ATP10A: variants seen among roughly 807,000 people sequenced by gnomAD.
The protein encoded by ATP10A is phospholipid-transporting ATPase VA.
In ATP10A, 111 loss-of-function variants were observed where a neutral mutation model predicts 147.8. The ratio of observed to expected loss-of-function variants is 0.75; its 90% CI spans 0.64 to 0.88. The LOEUF is 0.88. Among genes scored for constraint, ATP10A ranks in the 40% least tolerant of loss-of-function variants. ATP10A has a pLI of 0.00. For synonymous variants in ATP10A, 875 were observed against 841.6 expected (o/e 1.04, Z -0.69); for missense variants, 1,927 against 1,959.0 (o/e 0.98, Z 0.31).
chr15:25,823,574 C>G (rs534864349), intron 1 of ATP10A, among the ~76,000 whole-genome samples: 1 of 152,260 alleles, frequency 6.6e-6, no homozygotes, highest in South Asian at 2.1e-4. Flanking sequence ...AGTGACTGGA[C>G]CAAATTGTTT....
chr15:25,690,675 C>A (rs1310460585), intron 15 of ATP10A, among the ~76,000 whole-genome samples: 1 of 152,084 alleles, frequency 6.6e-6, no homozygotes, highest in Admixed American at 6.5e-5. Context: ...CAGTTCAGAC[C>A]CGTGTTGTTC....
chr15:25,728,916 G>A (rs1320685487), intron 3 of ATP10A, among the ~76,000 whole-genome samples: 1 of 152,138 alleles, frequency 6.6e-6, no homozygotes, highest in African/African-American at 2.4e-5. Context: ...AGGGGAGGCT[G>A]GAGAACGACA....
At position 25,713,829 on chromosome 15, in the gene ATP10A, C is replaced by T; in HGVS notation, c.2189G>A (p.Gly730Asp). The part of the protein sequence containing the change: ...DQVSVELPHL[G>D]RLTFELLHTL... ...GTGCAGGAGCTCGAAGGTGAGCCTG[C>T]CCAGGTGGGGCAGCTCCACTGACAC... Residue 730 changes from glycine (G) to aspartate (D), a missense_variant, in exon 10 of 21, where the codon GGC becomes GAC. By Grantham distance (94) the Gly-to-Asp change is moderately conservative (BLOSUM62 -1). Coordinates refer to ENST00000555815, the MANE Select transcript of ATP10A (RefSeq NM_024490.4). 3.1e-6 allele frequency: 5 copies of T among 1,614,060 alleles called. No individual in the cohort carries two copies. The highest frequency in any genetic ancestry group is 4.2e-6 in the Non-Finnish European group (5 of 1,180,042).
chr15:25,837,144 A>G (rs1892632616), intron 1 of ATP10A, among the ~76,000 whole-genome samples: 1 of 152,180 alleles, frequency 6.6e-6, no homozygotes, highest in African/African-American at 2.4e-5. Context: ...ATATAATACA[A>G]GAGTAACTAC....
chr15:25,829,652 C>T (rs1054793846), intron 1 of ATP10A, among the ~76,000 whole-genome samples: 27 of 152,164 alleles, frequency 1.8e-4, no homozygotes, highest in African/African-American at 6.0e-4. Context: ...GGGAGGATCT[C>T]CCTGGGAGTG....
At position 25,862,842 on chromosome 15, in the gene ATP10A, G is replaced by C. The variant is rs1893829222; in HGVS notation, c.255C>G (p.Arg85=). 3 of 1,610,228 alleles carry C rather than the reference G, an allele frequency of 1.9e-6. No homozygotes were observed. The East Asian group carries it at 6.7e-5, about 36-fold the overall frequency. The change falls in exon 1 of 21, where the codon CGC becomes CGG. Residue 85 remains arginine (R), a synonymous_variant. Transcript: ENST00000555815. ...LPKNLFEQFH[R]PANVYFVFIA... is the part of the protein sequence containing the mutation. Reference sequence around the variant, plus strand: ...TGAAGACAAAGTACACGTTGGCCGGGCGGTGGAACTGCTCGAACAGGTTCT... The same window carrying C: ...TGAAGACAAAGTACACGTTGGCCGGCCGGTGGAACTGCTCGAACAGGTTCT...
At chr15:25,738,866 C>G (rs1348823062) in intron 2 of ATP10A, among the ~76,000 whole-genome samples, 1 of 152,158 alleles carries the variant, frequency 6.6e-6, no homozygotes, top group Admixed American at 6.5e-5. Context: ...TTTTGCACCA[C>G]CTTCAACTTA....
At chr15:25,747,223 A>G (rs1455642209) in intron 2 of ATP10A, among the ~76,000 whole-genome samples, 1 of 147,612 alleles carries the variant, frequency 6.8e-6, no homozygotes, top group African/African-American at 2.5e-5. Flanking sequence ...CGGGAGGCGG[A>G]GGTTACAGTG....
intron 3 of ATP10A, among the ~76,000 whole-genome samples, chr15:25,732,006 C>A (rs745658488): frequency 2.8e-4 from 43 of 152,042 alleles, no homozygotes; most frequent in Admixed American, 5.2e-4. Flanking sequence ...CAGGTGTGCA[C>A]CACCACACCC....
chr15:25,810,935 G>A (rs1451895578), intron 1 of ATP10A, among the ~76,000 whole-genome samples: 4 of 152,124 alleles, frequency 2.6e-5, no homozygotes, highest in African/African-American at 9.7e-5. Context: ...AAGCCAGGAC[G>A]GTCTGATCTG....
intron 1 of ATP10A, among the ~76,000 whole-genome samples, chr15:25,807,669 G>A (rs1447099755): frequency 2.6e-5 from 4 of 152,100 alleles, no homozygotes; most frequent in African/African-American, 4.8e-5. Flanking sequence ...GGGCATGGTG[G>A]TGCACACCTG....
intron 2 of ATP10A, among the ~76,000 whole-genome samples, chr15:25,776,714 ATT>A (rs1211274994): frequency 1.3e-5 from 2 of 152,150 alleles, no homozygotes; most frequent in African/African-American, 4.8e-5. Flanking sequence ...TCGCCTTCAG[ATT>A]CTGGGGTCTG....
chr15:25,711,422 G>A (rs570639638), intron 10 of ATP10A, among the ~76,000 whole-genome samples: 19 of 152,084 alleles, frequency 1.2e-4, no homozygotes, highest in East Asian at 1.9e-4. Context: ...AGTAAAAGGC[G>A]AATGATCTGT....
At chr15:25,821,408 A>C (rs1010247408) in intron 1 of ATP10A, among the ~76,000 whole-genome samples, 8 of 151,782 alleles carry the variant, frequency 5.3e-5, no homozygotes, top group East Asian at 1.9e-4. Flanking sequence ...ACAAAAAAAA[A>C]AACAAACAAA....
rs746866255 is a variant in ATP10A, at chr15:25,679,799, C to T, written c.4042G>A (p.Val1348Met). 2 of 1,612,692 alleles carry T rather than the reference C, an allele frequency of 1.2e-6. No individual in the cohort carries two copies. The highest frequency in any genetic ancestry group is 1.7e-6 in the Non-Finnish European group (2 of 1,179,804). Residue 1348 changes from valine (V) to methionine (M), a missense_variant, in exon 21 of 21, where the codon GTG becomes ATG. Physicochemically the swap from Val to Met is conservative, Grantham distance 21 (BLOSUM62 1). Transcript: ENST00000555815. ...HSSGRTVKTSVPLSQPSWHTQ... is the reference protein window; with the variant it reads ...HSSGRTVKTSMPLSQPSWHTQ... ...TGCCAAGAAGGCTGGGACAGGGGCA[C>T]AGAGGTCTTGACTGTCCTCCCTGAT...
chr15:25,735,912 C>T (rs531989535), intron 3 of ATP10A, 144 bp downstream of exon 3: 1 of 743,756 alleles, frequency 1.3e-6, no homozygotes, highest in East Asian at 2.7e-5. Flanking sequence ...GCCAAGAAGG[C>T]TCAGGTGCTG....
At chr15:25,754,918 C>T (rs1248242011) in intron 2 of ATP10A, among the ~76,000 whole-genome samples, 1 of 152,118 alleles carries the variant, frequency 6.6e-6, no homozygotes, top group Non-Finnish European at 1.5e-5. Context: ...CATTCAGGAT[C>T]CTCAAAGAGA....
intron 2 of ATP10A, among the ~76,000 whole-genome samples, chr15:25,773,735 C>A (rs759028243): frequency 1.4e-4 from 22 of 152,122 alleles, no homozygotes; most frequent in African/African-American, 4.8e-5. Flanking sequence ...GGAACATACA[C>A]TTACTTGCAC....
chr15:25,812,030 G>T (rs1034449656), intron 1 of ATP10A, among the ~76,000 whole-genome samples: 1 of 152,168 alleles, frequency 6.6e-6, no homozygotes, highest in Non-Finnish European at 1.5e-5. Flanking sequence ...CACGCTCCCC[G>T]TTCCACCCTA....
Sources: gnomAD v4.1 joint callset for allele counts (sites outside exome capture counted in the v4.1 genomes callset) on GRCh38, gnomAD v4.1.1 for gene constraint, MANE v1.5 for transcripts, NCBI Gene and HGNC (gene_info 2026-07-23, HGNC 2026-07-21) for gene names.